Variants in SRGAP2C observed in about 807,000 individuals in gnomAD.
The protein encoded by SRGAP2C is SLIT-ROBO Rho GTPase-activating protein 2C.
In SRGAP2C, 15 loss-of-function variants were observed where a neutral mutation model predicts 25.1. The observed-to-expected ratio is 0.60, with a 90% CI of 0.40 to 0.92. The LOEUF is 0.92. Ranked by LOEUF, SRGAP2C falls within the 40% of genes least tolerant of loss-of-function variation. SRGAP2C has a pLI of 0.00. For synonymous variants in SRGAP2C, 44 were observed against 96.6 expected (o/e 0.46, Z 3.19); for missense variants, 144 against 264.4 (o/e 0.54, Z 3.16).
chr1:121,204,246 T>C (rs1655060664), intron 2 of SRGAP2C, among the ~76,000 whole-genome samples: 1 of 151,870 alleles, frequency 6.6e-6, no homozygotes, highest in Non-Finnish European at 1.5e-5. Context: ...CTAGGGAAGA[T>C]ACATGTATAT....
chr1:121,297,555 G>A (rs1240535149), intron 3 of SRGAP2C, among the ~76,000 whole-genome samples: 10 of 148,760 alleles, frequency 6.7e-5, no homozygotes, highest in African/African-American at 2.5e-4. Context: ...TGTATATACA[G>A]CACTAGCTAA....
rs1218528091 is a variant in SRGAP2C at position 121,314,710 on chromosome 1, TG to T, written c.261-9762del. ...GTGTGAGGTGTCAGTGTGCCCCTGC[TG>T]GGGGGTGCCTCCCAGTTAGGCTGCT... On this transcript the variant is annotated intron_variant, in intron 3 of 9. Coordinates refer to ENST00000367123, the MANE Select transcript of SRGAP2C (RefSeq NM_001329984.2). Among the ~76,000 whole-genome samples, 36 of 151,204 alleles carry T rather than the reference TG, an allele frequency of 2.4e-4. No homozygotes were observed. The South Asian group carries it at 4.0e-3, about 17-fold the overall frequency.
At chr1:121,362,556 A>C (rs1171218530) in intron 4 of SRGAP2C, among the ~76,000 whole-genome samples, 4 of 150,620 alleles carry the variant, frequency 2.7e-5, no homozygotes, top group African/African-American at 9.7e-5. Flanking sequence ...TGGGTAAGCA[A>C]CAGGGTAGAG....
At chr1:121,350,461 G>A (rs1553345405) in intron 4 of SRGAP2C, among the ~76,000 whole-genome samples, 1 of 151,146 alleles carries the variant, frequency 6.6e-6, no homozygotes, top group Non-Finnish European at 1.5e-5. Flanking sequence ...GTGACCAAAA[G>A]CTAAGAGAAA....
At chr1:121,271,045 C>T (rs1238092935) in intron 2 of SRGAP2C, among the ~76,000 whole-genome samples, 2 of 151,652 alleles carry the variant, frequency 1.3e-5, no homozygotes, top group African/African-American at 4.8e-5. Flanking sequence ...GGTCTGCCTG[C>T]ATTGGCCTCC....
intron 4 of SRGAP2C, among the ~76,000 whole-genome samples, chr1:121,354,335 C>A: frequency 1.7e-5 from 1 of 60,544 alleles, no homozygotes; most frequent in South Asian, 4.5e-4. Context: ...TCTTTTCTTT[C>A]TCTCTCTCTC....
chr1:121,272,749 G>C (rs1191594536), intron 2 of SRGAP2C, among the ~76,000 whole-genome samples: 1 of 151,108 alleles, frequency 6.6e-6, no homozygotes, highest in Non-Finnish European at 1.5e-5. Context: ...ACACATCTAG[G>C]TTCAAATCCT....
rs1658129270 is a variant in SRGAP2C at position 121,318,182 on chromosome 1, CCTT to C, written c.261-6292_261-6290del. Among the ~76,000 whole-genome samples the C allele has an allele frequency of 7.1e-5, 2 of 28,226 alleles. 1 individual carries two copies. The highest frequency in any genetic ancestry group is 1.3e-4 in the Non-Finnish European group (2 of 15,888). The allele number at this position is 28,226 out of a possible 152,430, so 18.5% of individuals were successfully genotyped here. On this transcript the variant is annotated intron_variant, in intron 3 of 9. Transcript: ENST00000367123. ...CCTACCTTGGTGATTTTTACCCCCT[CCTT>C]CTTTTAACACCTTCCCCAGCAAATC...
chr1:121,200,805 C>CA (rs1654958181), intron 2 of SRGAP2C, among the ~76,000 whole-genome samples: 1 of 138,238 alleles, frequency 7.2e-6, no homozygotes, highest in Non-Finnish European at 1.6e-5. Flanking sequence ...GATGTCATTC[C>CA]ACCTTTGGGA....
chr1:121,372,466 T>C lies in SRGAP2C; in HGVS notation c.487-1505T>C, dbSNP rs4845094. 1.2e-4 allele frequency among the ~76,000 whole-genome samples: 17 copies of C among 139,242 alleles called. No homozygotes were observed. The East Asian group carries it at 1.7e-3, about 14-fold the overall frequency. The allele number at this position is 139,242 out of a possible 152,430, so 91.3% of individuals were successfully genotyped here. A position where few individuals can be genotyped will look rare whatever the true frequency, so the allele number is the denominator to read the frequency against. Reference sequence around the variant, plus strand: ...GCCACATTTCCCCTGGGGGCCAAAATAGCCCCAGGTTGAGACACTTCTCTA... The same window carrying C: ...GCCACATTTCCCCTGGGGGCCAAAACAGCCCCAGGTTGAGACACTTCTCTA... On this transcript the variant is annotated intron_variant, in intron 5 of 9. Coordinates refer to ENST00000367123, the MANE Select transcript of SRGAP2C (RefSeq NM_001329984.2).
chr1:121,377,093 AC>A (rs1659678625), intron 7 of SRGAP2C, among the ~76,000 whole-genome samples: 1 of 142,048 alleles, frequency 7.0e-6, no homozygotes, highest in East Asian at 2.0e-4. Context: ...GGTATTTTGT[AC>A]CTTATTTTCA....
chr1:121,232,662 A>G (rs1214161196), intron 2 of SRGAP2C, among the ~76,000 whole-genome samples: 4 of 151,806 alleles, frequency 2.6e-5, no homozygotes, highest in South Asian at 4.2e-4. Flanking sequence ...CATAGTTTAC[A>G]CTGACATATT....
At chr1:121,347,653 C>T (rs2486519) in intron 4 of SRGAP2C, among the ~76,000 whole-genome samples, 71 of 152,326 alleles carry the variant, frequency 4.7e-4, no homozygotes, top group African/African-American at 1.0e-3. Flanking sequence ...GCAGAACTGA[C>T]GAGTCCACCC....
intron 2 of SRGAP2C, among the ~76,000 whole-genome samples, chr1:121,208,721 G>A (rs587635170): frequency 5.5e-4 from 83 of 151,776 alleles, no homozygotes; most frequent in African/African-American, 1.7e-3. Context: ...TCTGTTTATC[G>A]TTGTTTTCTA....
intron 4 of SRGAP2C, among the ~76,000 whole-genome samples, chr1:121,345,750 C>A (rs781972547): frequency 1.4e-5 from 2 of 146,318 alleles, no homozygotes; most frequent in Non-Finnish European, 3.0e-5. Flanking sequence ...CTCCCAGGTT[C>A]AAGTGATTCT....
chr1:121,284,190 G>A (rs1657311345), intron 2 of SRGAP2C, among the ~76,000 whole-genome samples: 1 of 151,604 alleles, frequency 6.6e-6, no homozygotes, highest in Non-Finnish European at 1.5e-5. Flanking sequence ...CTTTTGTTTT[G>A]ATTGCTACCA....
intron 4 of SRGAP2C, among the ~76,000 whole-genome samples, chr1:121,355,162 CATCACCCCAATGAGAGATTTA>C (rs1659032241): frequency 6.9e-6 from 1 of 145,118 alleles, no homozygotes; most frequent in Admixed American, 7.0e-5. Context: ...CTAGATAAAT[CATCACCCCAATGAGAGATTTA>C]ACACACCTGT....
chr1:121,316,857 G>A (rs1260050370), intron 3 of SRGAP2C, among the ~76,000 whole-genome samples: 14 of 145,684 alleles, frequency 9.6e-5, no homozygotes, highest in African/African-American at 3.0e-4. Context: ...TATTGGGGTG[G>A]CATTGTAGCA....
At chr1:121,287,655 G>T (rs1233836320) in intron 3 of SRGAP2C, among the ~76,000 whole-genome samples, 2 of 152,200 alleles carry the variant, frequency 1.3e-5, no homozygotes, top group Non-Finnish European at 2.9e-5. Context: ...TCCGGAATTG[G>T]TGGGTACTTG....
Sources: gnomAD v4.1 joint callset for allele counts (sites outside exome capture counted in the v4.1 genomes callset) on GRCh38, gnomAD v4.1.1 for gene constraint, MANE v1.5 for transcripts, NCBI Gene and HGNC (gene_info 2026-07-23, HGNC 2026-07-21) for gene names.